The following ARMH3 variants were observed in gnomAD, a reference collection of about 807,000 sequenced individuals.
ARMH3 encodes the protein armadillo-like helical domain-containing protein 3.
Under a neutral mutation model 99.1 loss-of-function variants are expected in ARMH3, and 60 were observed. The ratio of observed to expected loss-of-function variants is 0.61; its 90% CI spans 0.49 to 0.75. The LOEUF (loss-of-function observed/expected upper bound fraction) is 0.75. Among genes scored for constraint, ARMH3 ranks in the 30% least tolerant of loss-of-function variants. The pLI is 0.00. For missense variants in ARMH3, 679 were observed against 843.1 expected, an observed-to-expected ratio of 0.81 and a Z score of 2.41; for synonymous variants, 285 against 292.8, an observed-to-expected ratio of 0.97 and a Z score of 0.27.
chr10:101,918,383 G>T (rs1843171913), intron 23 of ARMH3, among the ~76,000 whole-genome samples: 2 of 152,044 alleles, frequency 1.3e-5, no homozygotes, highest in Non-Finnish European at 2.9e-5. Flanking sequence ...ATAACTATAG[G>T]AAAACCAAAC....
intron 1 of ARMH3, among the ~76,000 whole-genome samples, chr10:102,045,964 G>C (rs1445889789): frequency 6.6e-6 from 1 of 151,738 alleles, no homozygotes; most frequent in Non-Finnish European, 1.5e-5. Context: ...GCATGGTGGC[G>C]CATTCCTGTA....
At chr10:101,873,456 GTTTC>G (rs2067185009) in intron 24 of ARMH3, among the ~76,000 whole-genome samples, 1 of 151,870 alleles carries the variant, frequency 6.6e-6, no homozygotes, top group South Asian at 2.1e-4. Flanking sequence ...CAGCGTGGCA[GTTTC>G]TTTTTTTCTT....
chr10:102,042,316 T>C (rs1283259589), intron 1 of ARMH3, among the ~76,000 whole-genome samples: 2 of 152,252 alleles, frequency 1.3e-5, no homozygotes, highest in African/African-American at 4.8e-5. Context: ...CACAAGTTCT[T>C]AGACGTGATA....
chr10:101,894,206 A>C (rs1032977805), intron 23 of ARMH3, among the ~76,000 whole-genome samples: 1 of 152,156 alleles, frequency 6.6e-6, no homozygotes, highest in Non-Finnish European at 1.5e-5. Flanking sequence ...TGCTAACCTA[A>C]TGTCCTGGAG....
At chr10:102,000,672 A>T (rs1325572685) in intron 15 of ARMH3, among the ~76,000 whole-genome samples, 1 of 148,208 alleles carries the variant, frequency 6.7e-6, no homozygotes, top group African/African-American at 2.5e-5. Context: ...CAGGAGCCTG[A>T]GGTGGGAGAA....
intron 23 of ARMH3, among the ~76,000 whole-genome samples, chr10:101,892,522 A>G (rs1460775666): frequency 6.6e-6 from 1 of 152,162 alleles, no homozygotes; most frequent in Non-Finnish European, 1.5e-5. Context: ...TGTATGAGCT[A>G]GCATAACAAA....
At chr10:101,868,789 G>A (rs1034923900) in intron 24 of ARMH3, among the ~76,000 whole-genome samples, 2 of 152,116 alleles carry the variant, frequency 1.3e-5, no homozygotes, top group Non-Finnish European at 2.9e-5. Flanking sequence ...CAAAGCTTCT[G>A]GGCCAGGCAC....
intron 4 of ARMH3, among the ~76,000 whole-genome samples, chr10:102,030,463 C>T (rs899883544): frequency 6.6e-6 from 1 of 152,166 alleles, no homozygotes; most frequent in African/African-American, 2.4e-5. Flanking sequence ...AATCCCAACA[C>T]TTTGGGAGGC....
chr10:101,931,920 CA>C (rs1843739420), intron 23 of ARMH3, among the ~76,000 whole-genome samples: 1 of 152,082 alleles, frequency 6.6e-6, no homozygotes, highest in African/African-American at 2.4e-5. Context: ...TAAATTTCAT[CA>C]AAATTAAAAA....
chr10:101,955,330 T>C (rs1844982434), intron 22 of ARMH3, among the ~76,000 whole-genome samples: 1 of 152,238 alleles, frequency 6.6e-6, no homozygotes, highest in Non-Finnish European at 1.5e-5. Context: ...CAACTGATCA[T>C]ACCATTCTAG....
intron 17 of ARMH3, 121 bp downstream of exon 17, chr10:101,993,417 C>A: frequency 1.5e-6 from 1 of 665,314 alleles, no homozygotes; most frequent in Non-Finnish European, 2.5e-6. Context: ...AGCCGTCATG[C>A]AAAGCCCTTT....
chr10:102,010,157 T>TC, intron 11 of ARMH3, 134 bp from the exon 12 acceptor site: 1 of 693,192 alleles, frequency 1.4e-6, no homozygotes, highest in East Asian at 2.7e-5. Flanking sequence ...AGGCCATAAG[T>TC]CACACACACC....
chr10:101,995,358 G>A lies in ARMH3; in HGVS notation c.1151-3C>T, dbSNP rs1332157984. ...GCCACTGTGAAGCCTGTGTTCATCT[G>A]TAAAGAAAAAAGAAACTCTTCTCTG... On this transcript the variant is annotated splice_polypyrimidine_tract_variant and splice_region_variant and intron_variant, in intron 15 of 25. Coordinates refer to ENST00000370033, the MANE Select transcript of ARMH3 (RefSeq NM_024541.3). The A allele has an allele frequency of 2.5e-6, 4 of 1,611,946 alleles. No individual in the cohort carries two copies. Among genetic ancestry groups the A allele is most frequent in the Non-Finnish European group, 3.4e-6 (4 of 1,178,782 alleles).
intron 15 of ARMH3, 128 bp downstream of exon 15, chr10:102,001,843 T>C: frequency 1.3e-6 from 1 of 798,140 alleles, no homozygotes; most frequent in Non-Finnish European, 2.0e-6. Context: ...TTTCCAGCAA[T>C]GAAGACCATG....
chr10:101,883,488 G>C (rs888297573), intron 24 of ARMH3, among the ~76,000 whole-genome samples: 2 of 152,138 alleles, frequency 1.3e-5, no homozygotes, highest in African/African-American at 4.8e-5. Context: ...GGGGTAGGCA[G>C]AAGAACCTCC....
intron 22 of ARMH3, among the ~76,000 whole-genome samples, chr10:101,943,678 A>G (rs1844341693): frequency 6.6e-6 from 1 of 152,196 alleles, no homozygotes; most frequent in Admixed American, 6.5e-5. Context: ...GAAACAAAAA[A>G]ATATACGAAG....
intron 23 of ARMH3, among the ~76,000 whole-genome samples, chr10:101,899,754 T>G (rs1465730041): frequency 2.0e-5 from 3 of 152,218 alleles, no homozygotes; most frequent in Non-Finnish European, 4.4e-5. Flanking sequence ...ACTTACCCCC[T>G]AAGGTTTAGG....
chr10:102,036,114 G>T lies in ARMH3; in HGVS notation c.103-2775C>A, dbSNP rs1189648336. 1.2e-4 allele frequency among the ~76,000 whole-genome samples: 18 copies of T among 146,922 alleles called. 1 individual carries two copies. The highest frequency in any genetic ancestry group is 6.8e-4 in the Admixed American group (10 of 14,712). ...GGCAGCCACCCCGTCTGGGAGGGAGGTGGGGGGCAGCCCCCGCCCGGCCAG... is the reference window on the plus strand; with the variant it reads ...GGCAGCCACCCCGTCTGGGAGGGAGTTGGGGGGCAGCCCCCGCCCGGCCAG... On this transcript the variant is annotated intron_variant, in intron 2 of 25. Transcript: ENST00000370033.
At position 101,972,419 on chromosome 10, in the gene ARMH3, A is replaced by C. The variant is rs77290585; in HGVS notation, c.1495+2793T>G. ...AGTCTTATAAATAACATTTCATTAC[A>C]GTTTGCAGCACATGTATGGCAAAGG... On this transcript the variant is annotated intron_variant, in intron 20 of 25. Transcript: ENST00000370033. Among the ~76,000 whole-genome samples the C allele has an allele frequency of 9.3e-3, 1,421 of 152,362 alleles. 18 individuals carry two copies. The highest frequency in any genetic ancestry group is 0.032 in the African/African-American group (1,349 of 41,582).
Sources: allele counts gnomAD v4.1 joint callset (sites outside exome capture counted in the v4.1 genomes callset), GRCh38; gene constraint gnomAD v4.1.1; transcripts MANE v1.5; gene names NCBI Gene and HGNC (gene_info 2026-07-23, HGNC 2026-07-21).